ADARB2: variants seen among roughly 807,000 people sequenced by gnomAD.
ADARB2 encodes the protein inactive double-stranded RNA-specific editase B2.
Under a neutral mutation model 62.2 loss-of-function variants are expected in ADARB2, and 25 were observed. The ratio of observed to expected loss-of-function variants is 0.40; its 90% CI spans 0.29 to 0.56. The LOEUF is 0.56. Ranked by LOEUF, ADARB2 falls within the 20% of genes least tolerant of loss-of-function variation. ADARB2 has a pLI of 0.43. For synonymous variants in ADARB2, 572 were observed against 500.8 expected, an observed-to-expected ratio of 1.14 and a Z score of -1.90; for missense variants, 1,071 against 1,077.4, an observed-to-expected ratio of 0.99 and a Z score of 0.08.
intron 1 of ADARB2, among the ~76,000 whole-genome samples, chr10:1,423,824 T>G (rs997327761): frequency 3.3e-5 from 5 of 150,746 alleles, no homozygotes; most frequent in African/African-American, 1.2e-4. Flanking sequence ...ATGTATACAG[T>G]AAATCCACTA....
At chr10:1,260,789 T>C (rs1372897279) in intron 4 of ADARB2, among the ~76,000 whole-genome samples, 21 of 120,190 alleles carry the variant, frequency 1.7e-4, no homozygotes, top group African/African-American at 3.6e-4. Context: ...CTTCACAGAA[T>C]TGGAAAAAAC....
chr10:1,467,200 A>G (rs1831264815), intron 1 of ADARB2, among the ~76,000 whole-genome samples: 1 of 152,122 alleles, frequency 6.6e-6, no homozygotes, highest in Admixed American at 6.6e-5. Flanking sequence ...TATCTTTAAT[A>G]CTGTAACTGC....
intron 4 of ADARB2, among the ~76,000 whole-genome samples, chr10:1,260,331 G>A (rs1831124007): frequency 6.6e-6 from 1 of 152,170 alleles, no homozygotes; most frequent in Admixed American, 6.5e-5. Flanking sequence ...GAAATAAAGG[G>A]CATTCAGTTA....
intron 1 of ADARB2, among the ~76,000 whole-genome samples, chr10:1,703,560 T>C (rs78774639): frequency 1.3e-5 from 2 of 152,134 alleles, no homozygotes; most frequent in Non-Finnish European, 2.9e-5. Context: ...GTGAGGTATG[T>C]GGAGTCACAT....
chr10:1,725,865 G>A (rs774117221), intron 1 of ADARB2, among the ~76,000 whole-genome samples: 1 of 152,230 alleles, frequency 6.6e-6, no homozygotes, highest in African/African-American at 2.4e-5. Context: ...CAGGGAGAGA[G>A]GCATGAAGGC....
chr10:1,283,615 T>G (rs897127528), intron 3 of ADARB2, among the ~76,000 whole-genome samples: 1 of 152,188 alleles, frequency 6.6e-6, no homozygotes, highest in African/African-American at 2.4e-5. Context: ...TTCATGTGGC[T>G]TATTGGTGGA....
At chr10:1,475,149 G>C (rs1564301163) in intron 1 of ADARB2, among the ~76,000 whole-genome samples, 1 of 152,046 alleles carries the variant, frequency 6.6e-6, no homozygotes, top group Non-Finnish European at 1.5e-5. Flanking sequence ...GACCCCCGGG[G>C]AGGGTCCGGC....
chr10:1,654,576 C>T (rs1327862298), intron 1 of ADARB2, among the ~76,000 whole-genome samples: 3 of 152,232 alleles, frequency 2.0e-5, no homozygotes, highest in African/African-American at 7.2e-5. Flanking sequence ...TCAGGGCTCA[C>T]TCCCCAGCTT....
intron 1 of ADARB2, among the ~76,000 whole-genome samples, chr10:1,501,242 G>C (rs1053502713): frequency 6.6e-6 from 1 of 152,196 alleles, no homozygotes; most frequent in Non-Finnish European, 1.5e-5. Flanking sequence ...GCAGTAAAAG[G>C]GGGAGTTTAA....
intron 1 of ADARB2, among the ~76,000 whole-genome samples, chr10:1,496,279 T>C (rs999040766): frequency 6.6e-6 from 1 of 151,068 alleles, no homozygotes; most frequent in Non-Finnish European, 1.5e-5. Context: ...TCATCAACTT[T>C]ATCATCATCA....
chr10:1,630,181 C>T (rs1203612635), intron 1 of ADARB2, among the ~76,000 whole-genome samples: 1 of 152,210 alleles, frequency 6.6e-6, no homozygotes, highest in African/African-American at 2.4e-5. Flanking sequence ...ATTTAGCAAA[C>T]ATTCATGAAG....
At chr10:1,318,896 C>G (rs1237077567) in intron 3 of ADARB2, among the ~76,000 whole-genome samples, 1 of 152,168 alleles carries the variant, frequency 6.6e-6, no homozygotes, top group Non-Finnish European at 1.5e-5. Flanking sequence ...GGCATCTGTT[C>G]CAGCAGAAAA....
intron 7 of ADARB2, among the ~76,000 whole-genome samples, chr10:1,211,319 ATCTG>A (rs964561354): frequency 6.6e-6 from 1 of 151,556 alleles, no homozygotes; most frequent in African/African-American, 2.4e-5. Context: ...ATCTTCATCT[ATCTG>A]TCATTTATTG....
intron 3 of ADARB2, among the ~76,000 whole-genome samples, chr10:1,298,745 T>TAGA: frequency 2.8e-5 from 1 of 35,330 alleles, no homozygotes; most frequent in African/African-American, 6.5e-5. Context: ...TTTTTTTTTT[T>TAGA]TTTTTTTTTT....
In ADARB2 at chr10:1,574,044, C is replaced by G. The variant is rs1832975349; in HGVS notation, c.100+163007G>C. ...TGGCATTTTTTGAAGATCAAAGTGTCTTATATCTGAAAGACCTTTAGGAAA... is the reference window on the plus strand; with the variant it reads ...TGGCATTTTTTGAAGATCAAAGTGTGTTATATCTGAAAGACCTTTAGGAAA... On this transcript the variant is annotated intron_variant, in intron 1 of 9. Transcript: ENST00000381312. 2.0e-5 allele frequency among the ~76,000 whole-genome samples: 3 copies of G among 152,298 alleles called. No homozygotes were observed. In the South Asian group the frequency reaches 6.2e-4, roughly 32 times the overall value.
At chr10:1,312,736 C>A (rs563801955) in intron 3 of ADARB2, among the ~76,000 whole-genome samples, 2 of 152,304 alleles carry the variant, frequency 1.3e-5, no homozygotes, top group South Asian at 4.1e-4. Flanking sequence ...GGGTCCAAAC[C>A]TGGCCTTCCT....
intron 1 of ADARB2, among the ~76,000 whole-genome samples, chr10:1,574,391 A>G (rs909077747): frequency 2.0e-5 from 3 of 152,200 alleles, no homozygotes; most frequent in African/African-American, 7.2e-5. Context: ...AGGAAAGAGA[A>G]TTGGGCAGAC....
intron 1 of ADARB2, among the ~76,000 whole-genome samples, chr10:1,581,846 GTGTGTGTGTGT>G (rs1833105968): frequency 6.6e-6 from 1 of 151,664 alleles, no homozygotes; most frequent in African/African-American, 2.4e-5. Context: ...GTGTGTGTGT[GTGTGTGTGTGT>G]GTGTGTGTGT....
chr10:1,612,589 C>A (rs967115355), intron 1 of ADARB2, among the ~76,000 whole-genome samples: 1 of 152,208 alleles, frequency 6.6e-6, no homozygotes, highest in African/African-American at 2.4e-5. Context: ...GGTTGAAAGT[C>A]ATTAAATAAC....
Sources: gnomAD v4.1 joint callset for allele counts (sites outside exome capture counted in the v4.1 genomes callset) on GRCh38, gnomAD v4.1.1 for gene constraint, MANE v1.5 for transcripts, NCBI Gene and HGNC (gene_info 2026-07-23, HGNC 2026-07-21) for gene names.